CBX3: variants seen among roughly 807,000 people sequenced by gnomAD.
CBX3 encodes the protein chromobox 3.
In CBX3, 5 loss-of-function variants were observed where a neutral mutation model predicts 22.6. The observed-to-expected ratio is 0.22, with a 90% CI of 0.12 to 0.47. The LOEUF (loss-of-function observed/expected upper bound fraction) is 0.47. Ranked by LOEUF, CBX3 falls within the 20% of genes least tolerant of loss-of-function variation. The pLI is 0.99. For missense variants in CBX3, 83 were observed against 208.1 expected, an observed-to-expected ratio of 0.40 and a Z score of 3.70; for synonymous variants, 50 against 66.6, an observed-to-expected ratio of 0.75 and a Z score of 1.21.
At chr7:26,211,494 G>C (rs1198528059) in intron 4 of CBX3, among the ~76,000 whole-genome samples, 168 bp from the exon 5 acceptor site, 1 of 152,024 alleles carries the variant, frequency 6.6e-6, no homozygotes, top group Non-Finnish European at 1.5e-5. Context: ...ATCAAACTCA[G>C]GTTTTTCTGC....
intron 3 of CBX3, among the ~76,000 whole-genome samples, chr7:26,207,806 C>T (rs952172387): frequency 3.3e-5 from 5 of 152,050 alleles, no homozygotes; most frequent in Non-Finnish European, 7.4e-5. Context: ...GTGTGAGCCA[C>T]CGTGCCAGGC....
chr7:26,204,863 C>T (rs1402411769), intron 2 of CBX3, among the ~76,000 whole-genome samples: 1 of 152,150 alleles, frequency 6.6e-6, no homozygotes, highest in Non-Finnish European at 1.5e-5. Flanking sequence ...GATCTTGGCT[C>T]ACCGCAACTT....
intron 4 of CBX3, among the ~76,000 whole-genome samples, chr7:26,209,292 C>T (rs987263148): frequency 2.0e-5 from 3 of 152,066 alleles, no homozygotes; most frequent in South Asian, 2.1e-4. Flanking sequence ...ATACTTAGGA[C>T]AATAAGGATG....
intron 3 of CBX3, chr7:26,208,138 G>A (rs758637106): frequency 3.5e-5 from 9 of 258,468 alleles, no homozygotes; most frequent in East Asian, 1.9e-4. Flanking sequence ...GTGGAGGATC[G>A]CTTGAGTCGG....
At chr7:26,210,905 A>G (rs1420385440) in intron 4 of CBX3, among the ~76,000 whole-genome samples, 1 of 152,108 alleles carries the variant, frequency 6.6e-6, no homozygotes, top group Non-Finnish European at 1.5e-5. Context: ...CCCCTCCCAA[A>G]AAGGACTCTG....
At chr7:26,210,594 A>G (rs549285706) in intron 4 of CBX3, 12 of 152,122 alleles carry the variant, frequency 7.9e-5, no homozygotes, top group Non-Finnish European at 1.5e-4. Context: ...TTGGTTCTCA[A>G]ACTTTTTTTG....
chr7:26,209,848 A>G (rs1027272627), intron 4 of CBX3: 1 of 152,268 alleles, frequency 6.6e-6, no homozygotes, highest in African/African-American at 2.4e-5. Flanking sequence ...GGCACTAAAC[A>G]TGATTTAAAA....
rs1316351412 is a variant in CBX3 at position 26,201,762 on chromosome 7, G to A, written c.-93G>A. 1 of 263,856 alleles carries A rather than the reference G, an allele frequency of 3.8e-6. No homozygotes were observed. The highest frequency in any genetic ancestry group is 7.4e-6 in the Non-Finnish European group (1 of 135,228). The allele number at this position is 263,856 out of a possible 1,614,324, so 16.3% of individuals were successfully genotyped here. ...CCCTCCCCCTTCGGATGTGGCTTGA[G>A]CTGTAGGCGCGGAGGGCCGGAGACG... On this transcript the variant is annotated 5_prime_UTR_variant, in exon 1 of 6. Transcript: ENST00000396386.
chr7:26,206,204 A>T (rs914081865), intron 2 of CBX3, 164 bp from the exon 3 acceptor site: 31 of 562,128 alleles, frequency 5.5e-5, no homozygotes, highest in Middle Eastern at 9.2e-4. Flanking sequence ...GCATTCTTTT[A>T]TTTTATTGTC....
intron 2 of CBX3, among the ~76,000 whole-genome samples, chr7:26,203,926 A>C (rs1784612065): frequency 1.3e-5 from 2 of 152,172 alleles, no homozygotes; most frequent in African/African-American, 4.8e-5. Flanking sequence ...TGGAAAACAG[A>C]AGTTGTTTTT....
chr7:26,206,140 T>G (rs1343317861), intron 2 of CBX3: 2 of 424,268 alleles, frequency 4.7e-6, no homozygotes, highest in Non-Finnish European at 8.3e-6. Flanking sequence ...AGTGTTTTTT[T>G]ATTGTATTAT....
chr7:26,201,932 CG>C (rs1261057174), intron 1 of CBX3, 106 bp downstream of exon 1: 1 of 151,858 alleles, frequency 6.6e-6, no homozygotes, highest in African/African-American at 2.4e-5. Flanking sequence ...CCCTTCTCGC[CG>C]GACCCCGCGC....
rs917423522 is a variant in CBX3, at chr7:26,212,398, TAAATA to T, written c.*194_*198del. ...CATAGCACTGGTTACTTTGAACAAA[TAAATA>T]AAAGCTTTCTGTAGTTGCTTCCTTT... On this transcript the variant is annotated 3_prime_UTR_variant, in exon 6 of 6. Coordinates refer to ENST00000396386, the MANE Select transcript of CBX3 (RefSeq NM_016587.4). The T allele has an allele frequency of 8.2e-6, 2 of 244,912 alleles. No individual in the cohort carries two copies. The highest frequency in any genetic ancestry group is 7.8e-6 in the Non-Finnish European group (1 of 128,082). The allele number at this position is 244,912 out of a possible 1,614,324, so 15.2% of individuals were successfully genotyped here. A position where few individuals can be genotyped will look rare whatever the true frequency, so the allele number is the denominator to read the frequency against.
At chr7:26,204,072 A>C (rs1249386771) in intron 2 of CBX3, among the ~76,000 whole-genome samples, 1 of 152,202 alleles carries the variant, frequency 6.6e-6, no homozygotes, top group Non-Finnish European at 1.5e-5. Context: ...TGTGCTGTTA[A>C]TTTCACTTAA....
rs554318585 is a variant in CBX3 at position 26,212,283 on chromosome 7, T to C, written c.*75T>C. Reference sequence around the variant, plus strand: ...GGTCTTAGATTTTGATTTACTAGTGTGACAAAATAACTACATCCTAATGAA... The same window carrying C: ...GGTCTTAGATTTTGATTTACTAGTGCGACAAAATAACTACATCCTAATGAA... On this transcript the variant is annotated 3_prime_UTR_variant, in exon 6 of 6. Transcript: ENST00000396386. The C allele has an allele frequency of 1.1e-6, 1 of 891,912 alleles. No individual in the cohort carries two copies. The allele number at this position is 891,912 out of a possible 1,614,324, so 55.2% of individuals were successfully genotyped here.
chr7:26,210,472 C>T (rs1349019377), intron 4 of CBX3: 1 of 152,160 alleles, frequency 6.6e-6, no homozygotes, highest in Non-Finnish European at 1.5e-5. Flanking sequence ...TTGCCCAAAG[C>T]CACACAGCTC....
intron 1 of CBX3, 59 bp from the exon 2 acceptor site, chr7:26,202,912 T>G (rs1302022957): frequency 1.9e-6 from 2 of 1,052,004 alleles, no homozygotes; most frequent in Non-Finnish European, 2.9e-6. Context: ...ACAGAATTTG[T>G]ATTTAGTTAC....
At position 26,208,447 on chromosome 7, in the gene CBX3, A is replaced by C; in HGVS notation, c.222A>C (p.Glu74Asp). The change falls in exon 4 of 6, where the codon GAA (glutamate) becomes GAC (aspartate). Residue 74 changes from glutamate (E) to aspartate (D), a missense_variant. By Grantham distance (45) the Glu-to-Asp change is conservative. Coordinates refer to ENST00000396386, the MANE Select transcript of CBX3 (RefSeq NM_016587.4). ...EENLDCPELI[E>D]AFLNSQKAGK... is the part of the protein sequence containing the mutation. ...ATTTAGATTGTCCAGAATTGATTGA[A>C]GCGTTTCTTAACTCTCAGAAAGCTG... is the stretch of plus-strand genomic sequence containing the variant. 2 of 1,614,000 alleles carry C rather than the reference A, an allele frequency of 1.2e-6. No individual in the cohort carries two copies. Among genetic ancestry groups the C allele is most frequent in the Non-Finnish European group, 1.7e-6 (2 of 1,179,902 alleles).
At chr7:26,206,594 C>A in intron 3 of CBX3, 84 bp downstream of exon 3, 1 of 1,234,464 alleles carries the variant, frequency 8.1e-7, no homozygotes, top group Non-Finnish European at 1.2e-6. Flanking sequence ...GCTCTTTTAC[C>A]TGCTTTCCTG....
Sources: allele counts gnomAD v4.1 joint callset (sites outside exome capture counted in the v4.1 genomes callset), GRCh38; gene constraint gnomAD v4.1.1; transcripts MANE v1.5; gene names NCBI Gene and HGNC (gene_info 2026-07-23, HGNC 2026-07-21).